Variants in SVOPL observed in about 807,000 individuals in gnomAD.
SVOPL encodes the protein putative transporter SVOPL.
A neutral mutation model predicts 61.0 loss-of-function variants in SVOPL; 60 were observed. The observed-to-expected ratio is 0.98, with a 90% CI of 0.80 to 1.22. The LOEUF is 1.22. Among genes scored for constraint, SVOPL ranks in the 50% most tolerant of loss-of-function variants. The probability of loss-of-function intolerance (pLI) is 0.00; values close to 1 mark genes in which losing one functional copy is unlikely to be tolerated. For synonymous variants in SVOPL, 279 were observed against 250.0 expected, an observed-to-expected ratio of 1.12 and a Z score of -1.09; for missense variants, 662 against 643.9, an observed-to-expected ratio of 1.03 and a Z score of -0.30.
chr7:138,612,424 T>TAAAAAAAAAAAAAAAAAAAAAAAAAAAAA (rs1281500368), intron 14 of SVOPL, among the ~76,000 whole-genome samples: 1 of 41,200 alleles, frequency 2.4e-5, no homozygotes, highest in Non-Finnish European at 5.2e-5. Flanking sequence ...AAAAAAAAAA[T>TAAAAAAAAAAAAAAAAAAAAAAAAAAAAA]AAAATAAAAA....
intron 4 of SVOPL, among the ~76,000 whole-genome samples, chr7:138,667,435 T>G (rs1802294211): frequency 6.6e-6 from 1 of 152,228 alleles, no homozygotes; most frequent in Admixed American, 6.5e-5. Flanking sequence ...CAAGCTCATC[T>G]TCCCAAGTGA....
At chr7:138,639,615 G>T (rs565183317) in intron 9 of SVOPL, among the ~76,000 whole-genome samples, 2 of 97,564 alleles carry the variant, frequency 2.0e-5, no homozygotes, top group Non-Finnish European at 4.8e-5. Flanking sequence ...GGGAGACTCC[G>T]TCTCAAAAAA....
chr7:138,674,769 T>C (rs186570468), intron 3 of SVOPL, among the ~76,000 whole-genome samples: 20 of 150,342 alleles, frequency 1.3e-4, no homozygotes, highest in Admixed American at 1.2e-3. Flanking sequence ...AGCAGGAGAA[T>C]GGCGTGAACC....
chr7:138,623,263 A>T lies in SVOPL; in HGVS notation c.1264-2128T>A, dbSNP rs185981434. Among the ~76,000 whole-genome samples, 5 of 152,274 alleles carry T rather than the reference A, an allele frequency of 3.3e-5. No individual in the cohort carries two copies. In the East Asian group the frequency reaches 9.7e-4, roughly 29 times the overall value. On this transcript the variant is annotated intron_variant, in intron 13 of 15. Coordinates refer to ENST00000674285, the MANE Select transcript of SVOPL (RefSeq NM_001139456.2). ...CATCTGGAAGATGGAATAACAGAAA[A>T]CTATCATTTTTAGTTACACACCTCT... is the stretch of plus-strand genomic sequence containing the variant.
At chr7:138,662,220 T>C in intron 5 of SVOPL, 1 of 985,504 alleles carries the variant, frequency 1.0e-6, no homozygotes, top group Non-Finnish European at 1.2e-6. Flanking sequence ...TTTGGCTTAA[T>C]GGTCTTGGCC....
chr7:138,699,592 T>C (rs1321255394), intron 1 of SVOPL, among the ~76,000 whole-genome samples: 1 of 152,196 alleles, frequency 6.6e-6, no homozygotes, highest in Admixed American at 6.5e-5. Context: ...CACTTCATCT[T>C]ACTTATGAGA....
intron 4 of SVOPL, among the ~76,000 whole-genome samples, chr7:138,665,735 G>A (rs1802236726): frequency 6.6e-6 from 1 of 152,048 alleles, no homozygotes; most frequent in Non-Finnish European, 1.5e-5. Flanking sequence ...AGCCAACTGG[G>A]GTACAGATCA....
rs749603417 is a variant in SVOPL at position 138,642,831 on chromosome 7, C to CAAAAAAAAAAAAAAAAAAAA, written c.789+1885_789+1886insTTTTTTTTTTTTTTTTTTTT. ...GACGATAGAGCGAGACTCCTACCTC[C>CAAAAAAAAAAAAAAAAAAAA]AAAAAAAAAAAAAAAAAAAGAAGAA... On this transcript the variant is annotated intron_variant, in intron 9 of 15. Coordinates refer to ENST00000674285, the MANE Select transcript of SVOPL (RefSeq NM_001139456.2). Among the ~76,000 whole-genome samples the CAAAAAAAAAAAAAAAAAAAA allele has an allele frequency of 1.7e-3, 47 of 26,858 alleles. No individual in the cohort carries two copies. The East Asian group carries it at 0.02, about 11-fold the overall frequency. 17.6% of individuals were successfully genotyped at this position (26,858 alleles called of 152,430 possible).
At chr7:138,664,570 T>A (rs1238118556) in intron 4 of SVOPL, among the ~76,000 whole-genome samples, 3 of 144,998 alleles carry the variant, frequency 2.1e-5, no homozygotes, top group Middle Eastern at 4.1e-3. Flanking sequence ...CGCCTAACCC[T>A]CCAGCGCCTT....
intron 1 of SVOPL, among the ~76,000 whole-genome samples, chr7:138,683,945 G>A (rs889578163): frequency 3.3e-5 from 5 of 151,526 alleles, no homozygotes; most frequent in South Asian, 4.2e-4. Context: ...CCAGCTACTC[G>A]GGAGGCTGAA....
At chr7:138,595,556 T>A (rs1293667080) in intron 15 of SVOPL, among the ~76,000 whole-genome samples, 1 of 152,226 alleles carries the variant, frequency 6.6e-6, no homozygotes, top group Non-Finnish European at 1.5e-5. Context: ...CATTTATATG[T>A]ATCATTATTT....
At chr7:138,636,470 A>ATT (rs34209936) in intron 9 of SVOPL, among the ~76,000 whole-genome samples, 10,294 of 142,790 alleles carry the variant, frequency 0.072, 1,377 homozygotes, top group African/African-American at 0.25. Flanking sequence ...CTCTCATAGG[A>ATT]TTTTTCTTTT....
In SVOPL at chr7:138,700,442, G is replaced by A. The variant is rs189983209; in HGVS notation, c.-35+736C>T. Reference sequence around the variant, plus strand: ...CAACCTCTGCCTCCCGGGTTCAAGCGATTCTTCTGCCTCAGCCTCCTGAGT... The same window carrying A: ...CAACCTCTGCCTCCCGGGTTCAAGCAATTCTTCTGCCTCAGCCTCCTGAGT... On this transcript the variant is annotated intron_variant, in intron 1 of 15. Coordinates refer to ENST00000674285, the MANE Select transcript of SVOPL (RefSeq NM_001139456.2). Among the ~76,000 whole-genome samples the A allele has an allele frequency of 4.1e-3, 605 of 148,088 alleles. 5 individuals carry two copies. Among genetic ancestry groups the A allele is most frequent in the African/African-American group, 0.014 (572 of 40,376 alleles).
chr7:138,667,914 C>T (rs1802314214), intron 4 of SVOPL, among the ~76,000 whole-genome samples: 1 of 152,210 alleles, frequency 6.6e-6, no homozygotes, highest in South Asian at 2.1e-4. Flanking sequence ...TTTCCCAAAA[C>T]CAACCTCCTT....
chr7:138,610,683 T>G (rs531409382), intron 14 of SVOPL, among the ~76,000 whole-genome samples: 5 of 152,228 alleles, frequency 3.3e-5, no homozygotes, highest in Non-Finnish European at 7.3e-5. Flanking sequence ...CCACTAGGCC[T>G]TGACCTTGCC....
intron 9 of SVOPL, among the ~76,000 whole-genome samples, chr7:138,641,338 T>A (rs749207245): frequency 6.6e-6 from 1 of 150,952 alleles, no homozygotes; most frequent in African/African-American, 2.4e-5. Flanking sequence ...ATAAGACTAA[T>A]GCATGGACAA....
intron 8 of SVOPL, chr7:138,646,102 C>A: frequency 5.3e-6 from 1 of 188,838 alleles, no homozygotes; most frequent in Non-Finnish European, 1.1e-5. Flanking sequence ...GCGTGAGCTA[C>A]CGCGCCCGGC....
chr7:138,614,867 T>C (rs557282102), intron 14 of SVOPL, among the ~76,000 whole-genome samples: 1 of 152,300 alleles, frequency 6.6e-6, no homozygotes, highest in Admixed American at 6.5e-5. Flanking sequence ...GGAGATTTTA[T>C]AGAGATTTTA....
In SVOPL at chr7:138,661,075, C is replaced by T. The variant is rs957776313; in HGVS notation, c.346-1087G>A. 47 of 985,064 alleles carry T rather than the reference C, an allele frequency of 4.8e-5. No homozygotes were observed. The African/African-American group carries it at 7.7e-4, about 16-fold the overall frequency. 61.0% of individuals were successfully genotyped at this position (985,064 alleles called of 1,614,324 possible). ...TGAGATACTCGTGTTTTCAAATTTA[C>T]AAGAATCTATGCTATTTATTTCATG... On this transcript the variant is annotated intron_variant, in intron 5 of 15. Coordinates refer to ENST00000674285, the MANE Select transcript of SVOPL (RefSeq NM_001139456.2).
Sources: gnomAD v4.1 joint callset for allele counts (sites outside exome capture counted in the v4.1 genomes callset) on GRCh38, gnomAD v4.1.1 for gene constraint, MANE v1.5 for transcripts, NCBI Gene and HGNC (gene_info 2026-07-23, HGNC 2026-07-21) for gene names.